Variants in DPP10 observed in about 807,000 individuals in gnomAD.
DPP10 encodes the protein inactive dipeptidyl peptidase 10.
A neutral mutation model predicts 120.9 loss-of-function variants in DPP10; 33 were observed. The observed-to-expected ratio is 0.27, with a 90% CI of 0.21 to 0.37. DPP10 has a LOEUF of 0.37. DPP10 is among the 10% of genes least tolerant of loss of function. The pLI is 1.00. For missense variants in DPP10, 816 were observed against 942.8 expected (o/e 0.87, Z 1.76); for synonymous variants, 337 against 326.1 (o/e 1.03, Z -0.36).
chr2:115,394,469 C>CAAAAA (rs34655384), intron 3 of DPP10, among the ~76,000 whole-genome samples: 4 of 91,144 alleles, frequency 4.4e-5, no homozygotes, highest in African/African-American at 4.4e-5. Flanking sequence ...TCAACCTCAC[C>CAAAAA]AAAAAAAAAA....
chr2:114,949,091 A>T (rs1697583287), intron 1 of DPP10, among the ~76,000 whole-genome samples: 1 of 151,934 alleles, frequency 6.6e-6, no homozygotes, highest in South Asian at 2.1e-4. Context: ...CACCCGGCTA[A>T]TTTTTGTATT....
At chr2:114,747,782 C>G (rs1383365389) in intron 1 of DPP10, among the ~76,000 whole-genome samples, 2 of 152,096 alleles carry the variant, frequency 1.3e-5, no homozygotes, top group Non-Finnish European at 2.9e-5. Context: ...CATTCAATTC[C>G]TAAAAATACT....
At chr2:115,300,580 A>G (rs1046216615) in intron 1 of DPP10, among the ~76,000 whole-genome samples, 10 of 152,040 alleles carry the variant, frequency 6.6e-5, no homozygotes, top group African/African-American at 2.4e-4. Flanking sequence ...ACTGCTTTCA[A>G]TTGTTTTGGG....
chr2:114,534,804 T>C (rs1263655589), intron 1 of DPP10, among the ~76,000 whole-genome samples: 1 of 152,146 alleles, frequency 6.6e-6, no homozygotes, highest in African/African-American at 2.4e-5. Context: ...GTGGTCTACC[T>C]GATTCTTAGA....
intron 4 of DPP10, among the ~76,000 whole-genome samples, chr2:115,509,362 C>G (rs2077107151): frequency 6.6e-6 from 1 of 152,050 alleles, no homozygotes; most frequent in Non-Finnish European, 1.5e-5. Flanking sequence ...AATGATGTAT[C>G]AGGGATAATT....
Position 115,374,778 on chromosome 2 carries a change from A to G in DPP10, c.271+30866A>G, listed in dbSNP as rs2065664515. ...AAGACTTGAGGCTTGCACCCTCTGAACCAATGATCTGAGCTGTACATTGGT... is the reference window on the plus strand; with the variant it reads ...AAGACTTGAGGCTTGCACCCTCTGAGCCAATGATCTGAGCTGTACATTGGT... On this transcript the variant is annotated intron_variant, in intron 3 of 25. Coordinates refer to ENST00000410059, the MANE Select transcript of DPP10 (RefSeq NM_020868.6). Among the ~76,000 whole-genome samples the G allele has an allele frequency of 2.0e-5, 3 of 152,216 alleles. No individual in the cohort carries two copies. In the South Asian group the frequency reaches 6.2e-4, roughly 32 times the overall value.
At chr2:114,663,506 G>A (rs1188097196) in intron 1 of DPP10, among the ~76,000 whole-genome samples, 7 of 150,194 alleles carry the variant, frequency 4.7e-5, no homozygotes, top group African/African-American at 1.5e-4. Flanking sequence ...AACAGGACCC[G>A]CTGTAATTTT....
At chr2:114,601,467 T>C (rs1692360630) in intron 1 of DPP10, among the ~76,000 whole-genome samples, 1 of 151,946 alleles carries the variant, frequency 6.6e-6, no homozygotes, top group South Asian at 2.1e-4. Context: ...CAGTTGTGTT[T>C]TTTTCTTCTG....
At position 115,315,661 on chromosome 2, in the gene DPP10, A is replaced by G. The variant is rs568461402; in HGVS notation, c.175+6308A>G. Reference sequence around the variant, plus strand: ...AAACATCGGCATCAATCAAGATGCAAATTGTTTATTTTGTTGAATTAAAGC... The same window carrying G: ...AAACATCGGCATCAATCAAGATGCAGATTGTTTATTTTGTTGAATTAAAGC... On this transcript the variant is annotated intron_variant, in intron 2 of 25. Coordinates refer to ENST00000410059, the MANE Select transcript of DPP10 (RefSeq NM_020868.6). Among the ~76,000 whole-genome samples the G allele has an allele frequency of 7.2e-5, 11 of 152,238 alleles. No homozygotes were observed. The South Asian group carries it at 2.1e-3, about 29-fold the overall frequency.
chr2:115,754,077 GA>G (rs1679090564), intron 11 of DPP10, among the ~76,000 whole-genome samples: 1 of 152,092 alleles, frequency 6.6e-6, no homozygotes, highest in African/African-American at 2.4e-5. Flanking sequence ...CATAAATGCT[GA>G]AATCAAGTAA....
chr2:115,239,899 A>T (rs980171657), intron 1 of DPP10, among the ~76,000 whole-genome samples: 2 of 152,132 alleles, frequency 1.3e-5, no homozygotes, highest in Non-Finnish European at 2.9e-5. Context: ...CATGGTTTCC[A>T]GCTTCATCTG....
intron 2 of DPP10, among the ~76,000 whole-genome samples, chr2:115,334,297 C>A (rs56148209): frequency 7.8e-6 from 1 of 127,452 alleles, no homozygotes; most frequent in East Asian, 2.4e-4. Flanking sequence ...TAAGAAAAGG[C>A]AAAAGAAAGA....
intron 5 of DPP10, among the ~76,000 whole-genome samples, chr2:115,555,405 A>C (rs1396326831): frequency 1.3e-5 from 2 of 152,116 alleles, no homozygotes. Context: ...CTTATATACT[A>C]CTTTAACAAA....
chr2:115,796,109 A>G (rs1684499750), intron 19 of DPP10, among the ~76,000 whole-genome samples: 1 of 152,000 alleles, frequency 6.6e-6, no homozygotes. Flanking sequence ...TTTTTATCTC[A>G]CATCAGCCAC....
intron 1 of DPP10, among the ~76,000 whole-genome samples, chr2:114,799,673 T>A (rs7585051): frequency 0.61 from 92,859 of 152,022 alleles, 28,571 homozygotes; most frequent in East Asian, 0.78. Context: ...AAGCAACTAG[T>A]TTTTGTTTTT....
chr2:115,470,864 CCAGA>C (rs1650087464), intron 3 of DPP10, among the ~76,000 whole-genome samples: 1 of 152,158 alleles, frequency 6.6e-6, no homozygotes, highest in Non-Finnish European at 1.5e-5. Context: ...CATATTTCTT[CCAGA>C]CAGTCACCTT....
chr2:114,718,089 A>C (rs1420771771), intron 1 of DPP10, among the ~76,000 whole-genome samples: 1 of 152,056 alleles, frequency 6.6e-6, no homozygotes, highest in Non-Finnish European at 1.5e-5. Context: ...ATAATAACAA[A>C]AAAAAAACAG....
chr2:114,782,094 T>G (rs1447971250), intron 1 of DPP10, among the ~76,000 whole-genome samples: 2 of 152,058 alleles, frequency 1.3e-5, no homozygotes, highest in East Asian at 3.9e-4. Flanking sequence ...GTCTTCAAAG[T>G]CAGCTTTTGA....
chr2:114,759,328 T>C (rs1269583472), intron 1 of DPP10, among the ~76,000 whole-genome samples: 1 of 152,220 alleles, frequency 6.6e-6, no homozygotes, highest in African/African-American at 2.4e-5. Context: ...ATGGCATTTG[T>C]ATCAGTTGGC....
Sources: allele counts gnomAD v4.1 joint callset (sites outside exome capture counted in the v4.1 genomes callset), GRCh38; gene constraint gnomAD v4.1.1; transcripts MANE v1.5; gene names NCBI Gene and HGNC (gene_info 2026-07-23, HGNC 2026-07-21).